MSANTD3: variants seen among roughly 807,000 people sequenced by gnomAD.
The protein encoded by MSANTD3 is Myb/SANT DNA binding domain containing 3.
Under a neutral mutation model 27.7 loss-of-function variants are expected in MSANTD3, and 11 were observed. The ratio of observed to expected loss-of-function variants is 0.40; its 90% CI spans 0.25 to 0.66. MSANTD3 has a LOEUF of 0.66. Ranked by LOEUF, MSANTD3 falls within the 30% of genes least tolerant of loss-of-function variation. MSANTD3 has a pLI of 0.41. For missense variants in MSANTD3, 250 were observed against 336.5 expected, an observed-to-expected ratio of 0.74 and a Z score of 2.01; for synonymous variants, 131 against 127.2, an observed-to-expected ratio of 1.03 and a Z score of -0.20.
At chr9:100,442,818 A>G (rs952365730) in intron 2 of MSANTD3, among the ~76,000 whole-genome samples, 15 of 151,476 alleles carry the variant, frequency 9.9e-5, no homozygotes, top group African/African-American at 3.6e-4. Flanking sequence ...CAAAAAAAAA[A>G]AAAAAAAAAA....
chr9:100,438,960 G>A (rs929943750), intron 1 of MSANTD3, among the ~76,000 whole-genome samples: 9 of 152,136 alleles, frequency 5.9e-5, no homozygotes, highest in African/African-American at 9.7e-5. Context: ...ATAAATGTCC[G>A]CTCATTTAGC....
intron 1 of MSANTD3, among the ~76,000 whole-genome samples, chr9:100,430,131 G>A (rs531687899): frequency 2.6e-5 from 4 of 151,228 alleles, no homozygotes; most frequent in Admixed American, 6.6e-5. Flanking sequence ...TGCAGTGTGT[G>A]TGTAATTTGT....
At chr9:100,433,566 G>A (rs1836416317) in intron 1 of MSANTD3, among the ~76,000 whole-genome samples, 1 of 152,130 alleles carries the variant, frequency 6.6e-6, no homozygotes, top group South Asian at 2.1e-4. Context: ...TATAGCAATG[G>A]AGTTCTCCCA....
intron 2 of MSANTD3, among the ~76,000 whole-genome samples, chr9:100,443,968 C>T (rs1836692812): frequency 6.6e-6 from 1 of 152,148 alleles, no homozygotes; most frequent in South Asian, 2.1e-4. Context: ...ATTGTCAGTG[C>T]CTCCAGAGTA....
intron 1 of MSANTD3, among the ~76,000 whole-genome samples, chr9:100,440,713 C>T (rs973971159): frequency 6.6e-6 from 1 of 150,784 alleles, no homozygotes; most frequent in East Asian, 1.9e-4. Context: ...ACCTCAGCCT[C>T]CCAAGTAGCT....
intron 1 of MSANTD3, among the ~76,000 whole-genome samples, chr9:100,434,970 TACACAC>T (rs140970116): frequency 1.3e-5 from 2 of 150,216 alleles, no homozygotes; most frequent in African/African-American, 4.9e-5. Context: ...ACACACACCA[TACACAC>T]ACACACACAC....
At position 100,450,885 on chromosome 9, in the gene MSANTD3, G is replaced by A. The variant is rs1481132423; in HGVS notation, c.747G>A (p.Met249Ile). 6.2e-7 allele frequency: 1 copy of A among 1,613,584 alleles called. No homozygotes were observed. Among genetic ancestry groups the A allele is most frequent in the Admixed American group, 1.7e-5 (1 of 59,894 alleles). Residue 249 changes from methionine to isoleucine, a missense_variant, in exon 3 of 3, where the codon ATG becomes ATA. Around this residue, in one of 3 missense-constraint regions of MSANTD3, gnomAD observed 235 missense variants for 299.3 expected, o/e 0.79. Transcript: ENST00000395067. ...TGGAAGTTCTCAATAAAAAGAAGAT[G>A]TATTGGGAAAGAAAACTACAAACTT... ...IKMEVLNKKK[M>I]YWERKLQTFT... is the part of the protein sequence containing the mutation.
At chr9:100,445,675 AC>A (rs1836736523) in intron 2 of MSANTD3, among the ~76,000 whole-genome samples, 1 of 152,200 alleles carries the variant, frequency 6.6e-6, no homozygotes, top group East Asian at 1.9e-4. Context: ...AGAATTAGGT[AC>A]TCAGAAATTT....
At chr9:100,449,732 A>G (rs1392701000) in intron 2 of MSANTD3, among the ~76,000 whole-genome samples, 1 of 152,206 alleles carries the variant, frequency 6.6e-6, no homozygotes, top group East Asian at 1.9e-4. Context: ...CTTAGGGCAG[A>G]TAAGAACAGA....
intron 2 of MSANTD3, 148 bp from the exon 3 acceptor site, chr9:100,450,409 T>C (rs1392131601): frequency 1.7e-6 from 1 of 603,720 alleles, no homozygotes. Context: ...CAGGTGTGGC[T>C]AGGGTCCCTG....
chr9:100,427,674 GGCTCGGGGAGCT>G (rs1477535870), intron 1 of MSANTD3: 2 of 152,410 alleles, frequency 1.3e-5, no homozygotes, highest in East Asian at 1.9e-4. Context: ...TGGACTCCCG[GGCTCGGGGAGCT>G]GCTCGGGGGG....
chr9:100,438,000 T>A (rs540536532), intron 1 of MSANTD3, among the ~76,000 whole-genome samples: 1 of 152,302 alleles, frequency 6.6e-6, no homozygotes, highest in East Asian at 1.9e-4. Context: ...ACTGGCCACA[T>A]GTAGGGCAAG....
chr9:100,428,329 C>A (rs1324208617), intron 1 of MSANTD3, among the ~76,000 whole-genome samples: 1 of 152,096 alleles, frequency 6.6e-6, no homozygotes, highest in Non-Finnish European at 1.5e-5. Context: ...AGAGAGTGTG[C>A]CTTTCAGCAT....
At chr9:100,448,207 A>G in intron 2 of MSANTD3, 1 of 981,646 alleles carries the variant, frequency 1.0e-6, no homozygotes, top group Non-Finnish European at 1.2e-6. Context: ...AAAAAAAAAA[A>G]AAAAAAAGAA....
chr9:100,441,611 C>T (rs1382191817), intron 1 of MSANTD3, among the ~76,000 whole-genome samples: 1 of 152,064 alleles, frequency 6.6e-6, no homozygotes, highest in African/African-American at 2.4e-5. Context: ...TGCACTCCAG[C>T]CTGGGTGACA....
intron 2 of MSANTD3, chr9:100,448,246 A>T: frequency 1.0e-6 from 1 of 984,718 alleles, no homozygotes; most frequent in Non-Finnish European, 1.2e-6. Context: ...ATTGGGCGAG[A>T]CAGCAGCATT....
chr9:100,430,675 G>A (rs1012431759), intron 1 of MSANTD3, among the ~76,000 whole-genome samples: 16 of 152,216 alleles, frequency 1.1e-4, no homozygotes, highest in African/African-American at 1.4e-4. Flanking sequence ...ACAGACATGG[G>A]CAGTGAGAAT....
chr9:100,428,323 A>T (rs1836289791), intron 1 of MSANTD3, among the ~76,000 whole-genome samples: 1 of 152,202 alleles, frequency 6.6e-6, no homozygotes, highest in South Asian at 2.1e-4. Flanking sequence ...AGGGCCAGAG[A>T]GTGTGCCTTT....
chr9:100,440,723 T>C, intron 1 of MSANTD3, among the ~76,000 whole-genome samples: 1 of 148,634 alleles, frequency 6.7e-6, no homozygotes, highest in Non-Finnish European at 1.5e-5. Context: ...CCCAAGTAGC[T>C]GGGATTACAG....
Sources: gnomAD v4.1 joint callset for allele counts (sites outside exome capture counted in the v4.1 genomes callset) on GRCh38, gnomAD v4.1.1 for gene constraint, gnomAD v4.1.1 regional missense constraint, MANE v1.5 for transcripts, NCBI Gene and HGNC (gene_info 2026-07-23, HGNC 2026-07-21) for gene names.